CCSER1: variants seen among roughly 807,000 people sequenced by gnomAD.
The protein encoded by CCSER1 is serine-rich coiled-coil domain-containing protein 1.
A neutral mutation model predicts 82.0 loss-of-function variants in CCSER1; 41 were observed. The observed-to-expected ratio is 0.50, with a 90% CI of 0.39 to 0.65. CCSER1 has a LOEUF of 0.65. Among genes scored for constraint, CCSER1 ranks in the 30% least tolerant of loss-of-function variants. The pLI is 0.00. For synonymous variants in CCSER1, 414 were observed against 383.9 expected (o/e 1.08, Z -0.92); for missense variants, 1,119 against 1,064.2 (o/e 1.05, Z -0.72).
At chr4:90,875,901 G>A (rs1767142515) in intron 8 of CCSER1, among the ~76,000 whole-genome samples, 1 of 152,150 alleles carries the variant, frequency 6.6e-6, no homozygotes, top group Non-Finnish European at 1.5e-5. Flanking sequence ...AGAAAACAGA[G>A]CAGACTATTG....
chr4:90,721,690 G>C lies in CCSER1; in HGVS notation c.1933-2224G>C, dbSNP rs561366184. 1.6e-4 allele frequency among the ~76,000 whole-genome samples: 25 copies of C among 151,624 alleles called. No homozygotes were observed. In the South Asian group the frequency reaches 4.4e-3, roughly 26 times the overall value. On this transcript the variant is annotated intron_variant, in intron 6 of 10. Coordinates refer to ENST00000509176, the MANE Select transcript of CCSER1 (RefSeq NM_001145065.2). The stretch of plus-strand genomic sequence containing the variant: ...GGATTAAAATATGAAATATGGATAA[G>C]ACTTATCTTCAAAAGGTTTACGATA...
At chr4:91,042,682 G>A (rs1329853016) in intron 9 of CCSER1, among the ~76,000 whole-genome samples, 57 of 152,080 alleles carry the variant, frequency 3.7e-4, no homozygotes, top group Non-Finnish European at 8.8e-5. Context: ...GCAAGAAACA[G>A]GATTCTCAGG....
chr4:91,169,905 AAT>A (rs1732576656), intron 10 of CCSER1, among the ~76,000 whole-genome samples: 1 of 152,176 alleles, frequency 6.6e-6, no homozygotes, highest in African/African-American at 2.4e-5. Context: ...CTCAATGAAA[AAT>A]TCCATATCTA....
Position 91,385,610 on chromosome 4 carries a change from G to A in CCSER1, c.2218-212962G>A, listed in dbSNP as rs537493878. Among the ~76,000 whole-genome samples the A allele has an allele frequency of 1.1e-3, 164 of 151,620 alleles. 1 individual carries two copies. Among genetic ancestry groups the A allele is most frequent in the Non-Finnish European group, 2.0e-3 (139 of 67,814 alleles). On this transcript the variant is annotated intron_variant, in intron 10 of 10. Coordinates refer to ENST00000509176, the MANE Select transcript of CCSER1 (RefSeq NM_001145065.2). ...GAACACAATTGTTTTCAAATGAATA[G>A]CATTAGTAAACTGAAAGGGGACATA...
At chr4:91,145,232 T>G (rs1157408175) in intron 10 of CCSER1, among the ~76,000 whole-genome samples, 1 of 152,178 alleles carries the variant, frequency 6.6e-6, no homozygotes, top group Non-Finnish European at 1.5e-5. Flanking sequence ...TCTTTTGTTA[T>G]TGCCATTGGT....
At chr4:91,343,516 C>G (rs1378627748) in intron 10 of CCSER1, among the ~76,000 whole-genome samples, 1 of 152,108 alleles carries the variant, frequency 6.6e-6, no homozygotes, top group African/African-American at 2.4e-5. Context: ...TTGCACTAAT[C>G]TCTATGCTAT....
At chr4:90,400,522 T>C (rs1752676969) in intron 4 of CCSER1, among the ~76,000 whole-genome samples, 1 of 152,170 alleles carries the variant, frequency 6.6e-6, no homozygotes, top group East Asian at 1.9e-4. Context: ...TAAGATTTAC[T>C]GCTCCAAATC....
chr4:91,007,492 T>G (rs1009860630), intron 9 of CCSER1, among the ~76,000 whole-genome samples: 4 of 152,176 alleles, frequency 2.6e-5, no homozygotes, highest in Admixed American at 2.6e-4. Context: ...AAGTTCTACT[T>G]CTTCATGCTT....
intron 10 of CCSER1, among the ~76,000 whole-genome samples, chr4:91,278,553 G>A (rs182092420): frequency 2.6e-5 from 4 of 152,028 alleles, no homozygotes; most frequent in African/African-American, 9.7e-5. Flanking sequence ...CTGTCTGTAT[G>A]TGTCTTTGTA....
intron 9 of CCSER1, among the ~76,000 whole-genome samples, chr4:91,072,108 G>C (rs1274932360): frequency 1.3e-5 from 2 of 152,050 alleles, no homozygotes; most frequent in African/African-American, 2.4e-5. Context: ...CATAAAATAT[G>C]ATGACCCAAG....
At chr4:91,572,526 C>T (rs190793316) in intron 10 of CCSER1, among the ~76,000 whole-genome samples, 7 of 152,230 alleles carry the variant, frequency 4.6e-5, no homozygotes, top group Middle Eastern at 6.8e-3. Flanking sequence ...ACGGCAAAGA[C>T]GGTAGCCTGG....
chr4:91,172,849 T>C (rs1386348741), intron 10 of CCSER1, among the ~76,000 whole-genome samples: 1 of 152,154 alleles, frequency 6.6e-6, no homozygotes, highest in East Asian at 1.9e-4. Flanking sequence ...ATACAAATAT[T>C]GCTAATCTAA....
chr4:91,408,973 G>A (rs1185729382), intron 10 of CCSER1, among the ~76,000 whole-genome samples: 1 of 152,076 alleles, frequency 6.6e-6, no homozygotes, highest in Non-Finnish European at 1.5e-5. Flanking sequence ...CACAACCTCT[G>A]TGTCTTTTCT....
chr4:91,544,376 G>A (rs1410281418), intron 10 of CCSER1, among the ~76,000 whole-genome samples: 1 of 152,190 alleles, frequency 6.6e-6, no homozygotes, highest in Non-Finnish European at 1.5e-5. Flanking sequence ...CTTTGGAAGA[G>A]AAGAGATGCT....
At chr4:90,683,038 C>G (rs6852796) in intron 6 of CCSER1, 69,813 of 151,976 alleles carry the variant, frequency 0.46, 16,437 homozygotes, top group Middle Eastern at 0.58. Context: ...GCCATGCAAC[C>G]AAACTGCAGC....
intron 10 of CCSER1, among the ~76,000 whole-genome samples, chr4:91,439,731 G>A (rs1754973481): frequency 1.3e-5 from 2 of 151,850 alleles, no homozygotes; most frequent in South Asian, 2.1e-4. Flanking sequence ...CTCACGTGCA[G>A]AGACACACAT....
At chr4:91,401,522 A>G (rs1168207088) in intron 10 of CCSER1, among the ~76,000 whole-genome samples, 3 of 151,930 alleles carry the variant, frequency 2.0e-5, no homozygotes, top group African/African-American at 7.3e-5. Flanking sequence ...TAAATTAGGT[A>G]TATCTCCTAA....
At chr4:90,261,171 T>C (rs1724263339) in intron 1 of CCSER1, among the ~76,000 whole-genome samples, 1 of 152,110 alleles carries the variant, frequency 6.6e-6, no homozygotes, top group East Asian at 1.9e-4. Context: ...GTTTTTTTTT[T>C]CACTGTGTTA....
chr4:90,848,500 C>G (rs183955333), intron 8 of CCSER1, among the ~76,000 whole-genome samples: 177 of 152,220 alleles, frequency 1.2e-3, no homozygotes, highest in African/African-American at 4.2e-3. Context: ...GACAGTGCCT[C>G]AAACATTCTA....
Sources: gnomAD v4.1 joint callset for allele counts (sites outside exome capture counted in the v4.1 genomes callset) on GRCh38, gnomAD v4.1.1 for gene constraint, MANE v1.5 for transcripts, NCBI Gene and HGNC (gene_info 2026-07-23, HGNC 2026-07-21) for gene names.